LHFPL2: variants seen among roughly 807,000 people sequenced by gnomAD.
LHFPL2 encodes LHFPL tetraspan subfamily member 2 protein.
Under a neutral mutation model 17.5 loss-of-function variants are expected in LHFPL2, and 7 were observed. The ratio of observed to expected loss-of-function variants is 0.40; its 90% CI spans 0.23 to 0.75. The LOEUF is 0.75. Among genes scored for constraint, LHFPL2 ranks in the 30% least tolerant of loss-of-function variants. The probability of loss-of-function intolerance (pLI) is 0.37; values close to 1 mark genes in which losing one functional copy is unlikely to be tolerated. For synonymous variants in LHFPL2, 134 were observed against 116.2 expected, an observed-to-expected ratio of 1.15 and a Z score of -0.99; for missense variants, 241 against 294.8, an observed-to-expected ratio of 0.82 and a Z score of 1.34.
At chr5:78,587,908 A>C (rs1743483047) in intron 2 of LHFPL2, among the ~76,000 whole-genome samples, 1 of 152,208 alleles carries the variant, frequency 6.6e-6, no homozygotes, top group Non-Finnish European at 1.5e-5. Context: ...ATGGCTCTGG[A>C]GGAAGCAATC....
chr5:78,618,581 C>T (rs1744706337), intron 2 of LHFPL2, among the ~76,000 whole-genome samples: 1 of 152,188 alleles, frequency 6.6e-6, no homozygotes, highest in African/African-American at 2.4e-5. Context: ...ACTTACGAAG[C>T]GGAGCTCAGG....
intron 2 of LHFPL2, among the ~76,000 whole-genome samples, chr5:78,584,844 T>G (rs1743305237): frequency 6.6e-6 from 1 of 152,128 alleles, no homozygotes; most frequent in African/African-American, 2.4e-5. Flanking sequence ...TCTGTTTACC[T>G]AAGCAAGCCT....
At chr5:78,575,154 A>G (rs13436853) in intron 2 of LHFPL2, among the ~76,000 whole-genome samples, 8 of 151,928 alleles carry the variant, frequency 5.3e-5, no homozygotes, top group African/African-American at 1.2e-4. Flanking sequence ...GGCAACCCCC[A>G]CAGGGCAGCA....
At chr5:78,580,998 T>C (rs1743112237) in intron 2 of LHFPL2, among the ~76,000 whole-genome samples, 1 of 152,192 alleles carries the variant, frequency 6.6e-6, no homozygotes, top group Admixed American at 6.5e-5. Context: ...GTTCTTCCAT[T>C]TGTTTGTATC....
In LHFPL2 at chr5:78,509,827, C is replaced by T; in HGVS notation, c.387G>A (p.Lys129=). 6.2e-7 allele frequency: 1 copy of T among 1,613,832 alleles called. No individual in the cohort carries two copies. Among genetic ancestry groups the T allele is most frequent in the South Asian group, 1.1e-5 (1 of 91,082 alleles). ...VFTMCVQSIM[K]KSIFNVCGLL... is the part of the protein sequence containing the mutation. ...GCCCACAGACATTGAAGATGCTTTT[C>T]TTCATGATGCTCTGTACACACATGG... The change falls in exon 4 of 5, where the codon AAG becomes AAA. Residue 129 remains lysine (K), a synonymous_variant. Coordinates refer to ENST00000380345, the MANE Select transcript of LHFPL2 (RefSeq NM_005779.3).
intron 2 of LHFPL2, among the ~76,000 whole-genome samples, chr5:78,609,475 A>AAAAAAAAAAAAAAAAAAAG (rs1744341210): frequency 6.9e-6 from 1 of 144,090 alleles, no homozygotes; most frequent in African/African-American, 2.9e-5. Context: ...AAAAAAAAAA[A>AAAAAAAAAAAAAAAAAAAG]AGAGAGAGAG....
At position 78,488,584 on chromosome 5, in the gene LHFPL2, AC is replaced by A. The variant is rs1754328469; in HGVS notation, c.*312del. Reference sequence around the variant, plus strand: ...GACGGTCTCTTCCGTTACCAGAGAAACTGCTGCCCTAATGATTTAGATTATT... The same window carrying A: ...GACGGTCTCTTCCGTTACCAGAGAAATGCTGCCCTAATGATTTAGATTATT... On this transcript the variant is annotated 3_prime_UTR_variant, in exon 5 of 5. Transcript: ENST00000380345. 3.1e-6 allele frequency: 1 copy of A among 319,954 alleles called. No individual in the cohort carries two copies. Among genetic ancestry groups the A allele is most frequent in the South Asian group, 3.9e-5 (1 of 25,436 alleles). The allele number at this position is 319,954 out of a possible 1,614,324, so 19.8% of individuals were successfully genotyped here.
At position 78,609,475 on chromosome 5, in the gene LHFPL2, AAGAG is replaced by A. The variant is rs1247304259; in HGVS notation, c.-245+22785_-245+22788del. 5.6e-4 allele frequency among the ~76,000 whole-genome samples: 81 copies of A among 144,166 alleles called. 1 individual carries two copies. The East Asian group carries it at 0.011, about 20-fold the overall frequency. 94.6% of individuals were successfully genotyped at this position (144,166 alleles called of 152,430 possible). ...CAAAAAAAAAAAAAAAAAAAAAAAAAAGAGAGAGAGCTTGCTTAAGTAAATTACA... is the reference window on the plus strand; with the variant it reads ...CAAAAAAAAAAAAAAAAAAAAAAAAAAGAGAGCTTGCTTAAGTAAATTACA... On this transcript the variant is annotated intron_variant, in intron 2 of 4. Coordinates refer to ENST00000380345, the MANE Select transcript of LHFPL2 (RefSeq NM_005779.3).
At chr5:78,595,928 G>A (rs1743808300) in intron 2 of LHFPL2, among the ~76,000 whole-genome samples, 1 of 152,168 alleles carries the variant, frequency 6.6e-6, no homozygotes, top group Non-Finnish European at 1.5e-5. Flanking sequence ...TTCTGGTAAA[G>A]GGGAGTCCAA....
chr5:78,639,344 C>T (rs1280888183), intron 1 of LHFPL2, among the ~76,000 whole-genome samples: 1 of 152,146 alleles, frequency 6.6e-6, no homozygotes, highest in Non-Finnish European at 1.5e-5. Flanking sequence ...AACAAACAAA[C>T]AAACAAACAA....
chr5:78,548,572 G>C (rs535330383), intron 3 of LHFPL2, among the ~76,000 whole-genome samples: 4 of 152,238 alleles, frequency 2.6e-5, no homozygotes, highest in Non-Finnish European at 4.4e-5. Context: ...CTACAGCCAT[G>C]TCTGTGTAAA....
At chr5:78,595,529 T>A (rs953787962) in intron 2 of LHFPL2, among the ~76,000 whole-genome samples, 1 of 152,166 alleles carries the variant, frequency 6.6e-6, no homozygotes, top group South Asian at 2.1e-4. Flanking sequence ...CTTTCCTTTT[T>A]TTAGACAGGG....
At chr5:78,504,371 C>A (rs753247301) in intron 4 of LHFPL2, among the ~76,000 whole-genome samples, 3 of 152,164 alleles carry the variant, frequency 2.0e-5, no homozygotes, top group Non-Finnish European at 4.4e-5. Context: ...CATCTCCGTC[C>A]ATCTCCCTAT....
chr5:78,633,526 G>T (rs1362001017), intron 1 of LHFPL2, among the ~76,000 whole-genome samples: 1 of 152,264 alleles, frequency 6.6e-6, no homozygotes, highest in African/African-American at 2.4e-5. Flanking sequence ...AGTCCTCTGG[G>T]TGACGGTGAT....
chr5:78,555,464 A>G (rs1397796513), intron 3 of LHFPL2, among the ~76,000 whole-genome samples: 1 of 152,240 alleles, frequency 6.6e-6, no homozygotes, highest in Admixed American at 6.5e-5. Flanking sequence ...AGCCTGGACT[A>G]AGAAAGGAGG....
chr5:78,567,056 A>G (rs1238695923), intron 2 of LHFPL2, among the ~76,000 whole-genome samples: 1 of 152,222 alleles, frequency 6.6e-6, no homozygotes, highest in African/African-American at 2.4e-5. Flanking sequence ...TTTTTTACAT[A>G]TAAACCAAGC....
intron 2 of LHFPL2, among the ~76,000 whole-genome samples, chr5:78,619,068 C>G (rs1744732470): frequency 6.6e-6 from 1 of 152,138 alleles, no homozygotes; most frequent in Admixed American, 6.5e-5. Context: ...CTCTGTCACC[C>G]AGGTTGGAGT....
At chr5:78,613,323 C>A (rs1051809940) in intron 2 of LHFPL2, among the ~76,000 whole-genome samples, 4 of 152,248 alleles carry the variant, frequency 2.6e-5, no homozygotes, top group Non-Finnish European at 4.4e-5. Context: ...ATCCCACATA[C>A]CTTAGAGGCA....
chr5:78,509,903 A>C lies in LHFPL2; in HGVS notation c.311T>G (p.Leu104Arg). 3 of 1,613,714 alleles carry C rather than the reference A, an allele frequency of 1.9e-6. No individual in the cohort carries two copies. The highest frequency in any genetic ancestry group is 2.5e-6 in the Non-Finnish European group (3 of 1,180,042). ...GCAGAGAATAAAGATTCCCACAGCC[A>C]GGAAAATAGCTGTGGCCTGCCAGAA... ...SGFWQATAIF[L>R]AVGIFILCMV... The change falls in exon 4 of 5, where the codon CTG (leucine) becomes CGG (arginine). Residue 104 changes from leucine (L) to arginine (R), a missense_variant. Coordinates refer to ENST00000380345, the MANE Select transcript of LHFPL2 (RefSeq NM_005779.3).
Sources: gnomAD v4.1 joint callset for allele counts (sites outside exome capture counted in the v4.1 genomes callset) on GRCh38, gnomAD v4.1.1 for gene constraint, MANE v1.5 for transcripts, NCBI Gene and HGNC (gene_info 2026-07-23, HGNC 2026-07-21) for gene names.